NCOR1: variants seen among roughly 807,000 people sequenced by gnomAD.
The protein encoded by NCOR1 is nuclear receptor corepressor 1.
NCOR1 carries 63 observed loss-of-function variants against 288.1 expected under a neutral mutation model. The ratio of observed to expected loss-of-function variants is 0.22; its 90% CI spans 0.18 to 0.27. The LOEUF is 0.27. Among genes scored for constraint, NCOR1 ranks in the 10% least tolerant of loss-of-function variants. The pLI is 1.00. For synonymous variants in NCOR1, 1,007 were observed against 1,065.9 expected, an observed-to-expected ratio of 0.94 and a Z score of 1.08; for missense variants, 2,397 against 3,019.2, an observed-to-expected ratio of 0.79 and a Z score of 4.83.
At position 16,173,245 on chromosome 17, in the gene NCOR1, T is replaced by C. The variant is rs888128674; in HGVS notation, c.243-1250A>G. ...CTGAATGCTAAATTCTGTAAAATTA[T>C]TATACTTCAAAATTTTAAATCTCAT... On this transcript the variant is annotated intron_variant, in intron 3 of 45. Coordinates refer to ENST00000268712, the MANE Select transcript of NCOR1 (RefSeq NM_006311.4). Among the ~76,000 whole-genome samples, 10 of 152,262 alleles carry C rather than the reference T, an allele frequency of 6.6e-5. No homozygotes were observed. In the East Asian group the frequency reaches 1.9e-3, roughly 29 times the overall value.
At position 16,080,602 on chromosome 17, in the gene NCOR1, C is replaced by T. The variant is rs2152816768; in HGVS notation, c.3298+5G>A. On this transcript the variant is annotated splice_donor_5th_base_variant and intron_variant, in intron 24 of 45. Transcript: ENST00000268712. ...GATGCATTATGACTGTATTAACTCA[C>T]TGACCTGATTTGGCAGATTCCTGTT... The T allele has an allele frequency of 6.2e-7, 1 of 1,614,108 alleles. No homozygotes were observed. Among genetic ancestry groups the T allele is most frequent in the Non-Finnish European group, 8.5e-7 (1 of 1,179,998 alleles).
chr17:16,079,223 T>G (rs2063003312), intron 26 of NCOR1, among the ~76,000 whole-genome samples: 1 of 152,218 alleles, frequency 6.6e-6, no homozygotes, highest in South Asian at 2.1e-4. Flanking sequence ...GTAGCAATTT[T>G]CTAGGTGATT....
At chr17:16,146,775 A>T (rs539761259) in intron 9 of NCOR1, among the ~76,000 whole-genome samples, 2 of 152,324 alleles carry the variant, frequency 1.3e-5, no homozygotes, top group Non-Finnish European at 2.9e-5. Flanking sequence ...GTTAACATTA[A>T]GACTATGCAT....
At position 16,183,585 on chromosome 17, in the gene NCOR1, C is replaced by G. The variant is rs867680277; in HGVS notation, c.242+2969G>C. On this transcript the variant is annotated intron_variant, in intron 3 of 45. Transcript: ENST00000268712. ...AAACTATAAAACACTGATTAAAAAA[C>G]TGAAGACACAAATAAATGAAGAGAT... Among the ~76,000 whole-genome samples the G allele has an allele frequency of 9.2e-5, 14 of 152,146 alleles. No individual in the cohort carries two copies. In the Middle Eastern group the frequency reaches 0.01, roughly 111 times the overall value.
At chr17:16,210,634 A>G (rs1046882294) in intron 1 of NCOR1, among the ~76,000 whole-genome samples, 2 of 152,110 alleles carry the variant, frequency 1.3e-5, no homozygotes, top group Non-Finnish European at 2.9e-5. Context: ...TTTTCAAACT[A>G]TATTTTCATT....
intron 10 of NCOR1, among the ~76,000 whole-genome samples, chr17:16,145,666 G>A (rs1419409378): frequency 3.3e-5 from 5 of 151,988 alleles, no homozygotes; most frequent in Non-Finnish European, 7.4e-5. Flanking sequence ...CGCCCCTTCC[G>A]GGAGGTGGGG....
At chr17:16,134,889 G>A (rs1297766579) in intron 14 of NCOR1, among the ~76,000 whole-genome samples, 2 of 152,208 alleles carry the variant, frequency 1.3e-5, no homozygotes, top group Admixed American at 1.3e-4. Context: ...GCCGGGCGCC[G>A]TGGCTCATGC....
At chr17:16,213,826 T>C (rs2092347434) in intron 1 of NCOR1, among the ~76,000 whole-genome samples, 1 of 152,216 alleles carries the variant, frequency 6.6e-6, no homozygotes, top group South Asian at 2.1e-4. Flanking sequence ...AGAATCAAGA[T>C]ACTTTGTATT....
At chr17:16,198,782 T>C (rs2090317219) in intron 1 of NCOR1, 2 of 152,110 alleles carry the variant, frequency 1.3e-5, no homozygotes, top group Admixed American at 1.3e-4. Flanking sequence ...TTGTAAAAGT[T>C]TTCCAACTAA....
chr17:16,040,811 C>G, intron 42 of NCOR1: 1 of 324,716 alleles, frequency 3.1e-6, no homozygotes, highest in Non-Finnish European at 5.9e-6. Flanking sequence ...GGTAGGACTG[C>G]TTGAGCATAG....
intron 18 of NCOR1, among the ~76,000 whole-genome samples, chr17:16,113,903 A>G (rs2070906326): frequency 6.6e-6 from 1 of 152,110 alleles, no homozygotes; most frequent in Non-Finnish European, 1.5e-5. Flanking sequence ...AAAAAAAAAG[A>G]AAAAAGAAAA....
chr17:16,131,143 C>A (rs1474161874), intron 14 of NCOR1, among the ~76,000 whole-genome samples: 1 of 151,698 alleles, frequency 6.6e-6, no homozygotes, highest in Non-Finnish European at 1.5e-5. Flanking sequence ...CAGTGCACGC[C>A]ACTGTGCCAG....
rs543425229 is a variant in NCOR1 at position 16,061,701 on chromosome 17, T to C, written c.5581A>G (p.Ser1861Gly). 4 of 1,614,258 alleles carry C rather than the reference T, an allele frequency of 2.5e-6. No homozygotes were observed. In the Admixed American group the frequency reaches 5.0e-5, roughly 20 times the overall value. ...TTCTGCTCTAGCTGCTGCTGTTCAC[T>C]AACTGCTGCTGACCTGCTTCTCAAA... ...ENLRSRSAAV[S>G]EQQQLEQKTL... The change falls in exon 37 of 46, where the codon AGT (serine) becomes GGT (glycine). Residue 1861 changes from serine to glycine, a missense_variant. This residue lies in a region of NCOR1 where 1,872 missense variants were observed against 2,187.8 expected (regional missense o/e 0.86). Coordinates refer to ENST00000268712, the MANE Select transcript of NCOR1 (RefSeq NM_006311.4).
At chr17:16,113,124 C>G (rs2070691996) in intron 18 of NCOR1, among the ~76,000 whole-genome samples, 1 of 151,794 alleles carries the variant, frequency 6.6e-6, no homozygotes, top group Admixed American at 6.6e-5. Flanking sequence ...ACCATGTTAG[C>G]CAGGATGGTC....
intron 3 of NCOR1, among the ~76,000 whole-genome samples, chr17:16,175,677 T>G (rs2084016829): frequency 6.6e-6 from 1 of 152,002 alleles, no homozygotes; most frequent in Non-Finnish European, 1.5e-5. Flanking sequence ...CGCTTGATGC[T>G]GGGAGTTTGA....
At chr17:16,091,163 A>C (rs1229630195) in intron 22 of NCOR1, among the ~76,000 whole-genome samples, 2 of 152,248 alleles carry the variant, frequency 1.3e-5, no homozygotes, top group African/African-American at 2.4e-5. Flanking sequence ...ACAGTGATGT[A>C]ACAATGAAAA....
Position 16,091,936 on chromosome 17 carries a change from T to G in NCOR1, c.2943A>C (p.Glu981Asp). Residue 981 changes from glutamate (E) to aspartate (D), a missense_variant, in exon 22 of 46, where the codon GAA becomes GAC. Transcript: ENST00000268712. ...AACTTCTACATTCCAAATCTATCTG[T>G]TCTTGTCTCTGCCGCTGCTCCTCCA... Reference protein sequence around the residue: ...ALLEEQRQRQEQIDLECRSST... With the variant: ...ALLEEQRQRQDQIDLECRSST... 6.2e-7 allele frequency: 1 copy of G among 1,614,250 alleles called. No individual in the cohort carries two copies. Among genetic ancestry groups the G allele is most frequent in the Non-Finnish European group, 8.5e-7 (1 of 1,180,044 alleles).
chr17:16,131,008 A>G (rs1338924558), intron 14 of NCOR1, among the ~76,000 whole-genome samples: 1 of 141,264 alleles, frequency 7.1e-6, no homozygotes, highest in African/African-American at 2.6e-5. Context: ...TTTTTTTTTA[A>G]GACTGGATCT....
At position 16,040,466 on chromosome 17, in the gene NCOR1, A is replaced by T; in HGVS notation, c.6708T>A (p.Phe2236Leu). The T allele has an allele frequency of 6.2e-7, 1 of 1,613,840 alleles. No homozygotes were observed. The highest frequency in any genetic ancestry group is 8.5e-7 in the Non-Finnish European group (1 of 1,179,908). The part of the protein sequence containing the change: ...MAAAQPGTEI[F>L]NLPAVTTSGS... ...CTGACGTAGTAACTGCTGGCAGATT[A>T]AAGATCTCAGTTCCTGGCTGAGCAG... is the stretch of plus-strand genomic sequence containing the variant. Residue 2236 changes from phenylalanine (F) to leucine (L), a missense_variant, in exon 43 of 46, where the codon TTT (phenylalanine) becomes TTA (leucine). Physicochemically the swap from Phe to Leu is conservative, Grantham distance 22. Coordinates refer to ENST00000268712, the MANE Select transcript of NCOR1 (RefSeq NM_006311.4).
Sources: gnomAD v4.1 joint callset for allele counts (sites outside exome capture counted in the v4.1 genomes callset) on GRCh38, gnomAD v4.1.1 for gene constraint, gnomAD v4.1.1 regional missense constraint, MANE v1.5 for transcripts, NCBI Gene and HGNC (gene_info 2026-07-23, HGNC 2026-07-21) for gene names.